Variants in CYP3A7 observed in about 807,000 individuals in gnomAD.
CYP3A7 encodes the protein cytochrome P450 family 3 subfamily A member 7.
Under a neutral mutation model 55.2 loss-of-function variants are expected in CYP3A7, and 45 were observed. That is an observed-to-expected ratio of 0.82 (90% CI 0.64 to 1.05). The LOEUF is 1.05. Ranked by LOEUF, CYP3A7 falls within the 50% of genes least tolerant of loss-of-function variation. CYP3A7 has a pLI of 0.00. For missense variants in CYP3A7, 548 were observed against 605.3 expected (o/e 0.91, Z 0.99); for synonymous variants, 180 against 207.4 (o/e 0.87, Z 1.13).
At chr7:99,729,694 C>T (rs1017808919) in intron 2 of CYP3A7, among the ~76,000 whole-genome samples, 20 of 152,290 alleles carry the variant, frequency 1.3e-4, no homozygotes, top group African/African-American at 4.8e-4. Flanking sequence ...TTCTTCTCTG[C>T]ACAATGAGTC....
chr7:99,726,309 G>A (rs1347791706), intron 2 of CYP3A7, among the ~76,000 whole-genome samples: 2 of 152,138 alleles, frequency 1.3e-5, no homozygotes, highest in Non-Finnish European at 2.9e-5. Context: ...TCACTCACCT[G>A]CTACAGCATG....
intron 11 of CYP3A7, among the ~76,000 whole-genome samples, chr7:99,708,318 T>A (rs1252660835): frequency 3.9e-5 from 6 of 152,190 alleles, no homozygotes; most frequent in Admixed American, 1.3e-4. Flanking sequence ...GAAAAGTAGA[T>A]TCCTGCCTCA....
At chr7:99,730,812 G>T in intron 2 of CYP3A7, 1 of 481,734 alleles carries the variant, frequency 2.1e-6, no homozygotes, top group Admixed American at 3.3e-5. Context: ...TGCACATCAA[G>T]TTGTGAACAT....
intron 7 of CYP3A7, 21 bp from the exon 8 acceptor site, chr7:99,714,703 C>T: frequency 6.2e-7 from 1 of 1,605,848 alleles, no homozygotes; most frequent in Non-Finnish European, 8.5e-7. Flanking sequence ...AAAAAACCAA[C>T]AGAAAACGAA....
chr7:99,706,095 G>A (rs1437136534), intron 12 of CYP3A7, among the ~76,000 whole-genome samples: 1 of 152,158 alleles, frequency 6.6e-6, no homozygotes, highest in Non-Finnish European at 1.5e-5. Context: ...GTGTAAAGAT[G>A]GGAAGACACC....
chr7:99,734,634 T>G (rs1490139772), intron 1 of CYP3A7, among the ~76,000 whole-genome samples: 1 of 151,502 alleles, frequency 6.6e-6, no homozygotes, highest in Non-Finnish European at 1.5e-5. Flanking sequence ...CTCTTTTTTT[T>G]TTTTTGAGAT....
chr7:99,717,380 GT>G (rs1394693464), intron 5 of CYP3A7, 115 bp from the exon 6 acceptor site: 2 of 1,593,758 alleles, frequency 1.3e-6, no homozygotes, highest in Non-Finnish European at 1.7e-6. Context: ...ATTTTATGAT[GT>G]GTTTTCTGTA....
At chr7:99,730,939 C>T (rs974504295) in intron 2 of CYP3A7, 120 bp downstream of exon 2, 62 of 1,338,288 alleles carry the variant, frequency 4.6e-5, no homozygotes, top group Non-Finnish European at 5.8e-5. Flanking sequence ...GATGCCTACA[C>T]GCTATTTCTG....
At chr7:99,727,819 G>T (rs375249814) in intron 2 of CYP3A7, among the ~76,000 whole-genome samples, 22 of 152,244 alleles carry the variant, frequency 1.4e-4, no homozygotes, top group African/African-American at 5.3e-4. Flanking sequence ...GACTCTAAAT[G>T]CTGTCCATAT....
In CYP3A7 at chr7:99,717,359, T is replaced by C. The variant is rs1813999080; in HGVS notation, c.433-94A>G. ...GCCTGGCATGGAACAATAAGTGACA[T>C]TGTATAATGAATTTTATGATGTGTT... On this transcript the variant is annotated intron_variant, in intron 5 of 12. Transcript: ENST00000336374. The C allele has an allele frequency of 1.9e-6, 3 of 1,606,122 alleles. No individual in the cohort carries two copies. The Middle Eastern group carries it at 5.0e-4, about 266-fold the overall frequency.
In CYP3A7 at chr7:99,731,279, CAG is replaced by C. The variant is rs1303216664; in HGVS notation, c.72-129_72-128del. On this transcript the variant is annotated intron_variant, in intron 1 of 12. Coordinates refer to ENST00000336374, the MANE Select transcript of CYP3A7 (RefSeq NM_000765.5). Reference sequence around the variant, plus strand: ...GTAACATTAAGGCAATAAAAAATAACAGTAACTCTGACGGCAATGATTATATT... The same window carrying C: ...GTAACATTAAGGCAATAAAAAATAACTAACTCTGACGGCAATGATTATATT... The C allele has an allele frequency of 2.9e-6, 3 of 1,047,516 alleles. No homozygotes were observed. In the African/African-American group the frequency reaches 4.8e-5, roughly 17 times the overall value. The allele number at this position is 1,047,516 out of a possible 1,614,324, so 64.9% of individuals were successfully genotyped here. A position where few individuals can be genotyped will look rare whatever the true frequency, so the allele number is the denominator to read the frequency against.
intron 3 of CYP3A7, among the ~76,000 whole-genome samples, chr7:99,721,999 G>T (rs371723495): frequency 1.4e-4 from 22 of 152,296 alleles, no homozygotes; most frequent in African/African-American, 5.3e-4. Flanking sequence ...ACTGATCTTT[G>T]TAGTGAAGGA....
chr7:99,732,120 T>C (rs1814650967), intron 1 of CYP3A7, among the ~76,000 whole-genome samples: 1 of 152,090 alleles, frequency 6.6e-6, no homozygotes, highest in Non-Finnish European at 1.5e-5. Flanking sequence ...AGGCAGTTTC[T>C]CATGGTTTCA....
chr7:99,715,831 T>A lies in CYP3A7; in HGVS notation c.597A>T (p.Pro199=). The change falls in exon 7 of 13, where the codon CCA becomes CCT. Residue 199 remains proline (P), a synonymous_variant. Coordinates refer to ENST00000336374, the MANE Select transcript of CYP3A7 (RefSeq NM_000765.5). ...FGVSIDSLNN[P]QDPFVENTKK... ...TGGTGTTTTCCACAAAGGGGTCTTG[T>A]GGATTGTTGAGAGAGTCGATGCTCA... The A allele has an allele frequency of 6.2e-7, 1 of 1,613,948 alleles. No homozygotes were observed. Among genetic ancestry groups the A allele is most frequent in the Non-Finnish European group, 8.5e-7 (1 of 1,179,852 alleles).
intron 3 of CYP3A7, among the ~76,000 whole-genome samples, chr7:99,721,506 AG>A (rs1814196399): frequency 6.6e-6 from 1 of 152,186 alleles, no homozygotes; most frequent in African/African-American, 2.4e-5. Context: ...ATGTGATAAA[AG>A]GGCATCAAGG....
intron 2 of CYP3A7, among the ~76,000 whole-genome samples, chr7:99,729,537 G>A (rs1184288930): frequency 6.6e-6 from 1 of 152,150 alleles, no homozygotes; most frequent in East Asian, 1.9e-4. Context: ...GCCTGCACGT[G>A]TACATCCAGA....
chr7:99,712,532 T>C (rs1248302165), intron 9 of CYP3A7, among the ~76,000 whole-genome samples: 3 of 152,228 alleles, frequency 2.0e-5, no homozygotes, highest in Non-Finnish European at 4.4e-5. Context: ...TAGTGATTTC[T>C]AGATGAAACA....
chr7:99,717,654 A>C lies in CYP3A7; in HGVS notation c.319-15T>G, dbSNP rs1814016271. ...GGCCCGAAAGGCTAGAGTTCAAAGC[A>C]GAAAGATTTTGTCCTACATCAGTTG... On this transcript the variant is annotated splice_polypyrimidine_tract_variant and intron_variant, in intron 4 of 12. Coordinates refer to ENST00000336374, the MANE Select transcript of CYP3A7 (RefSeq NM_000765.5). 1 of 1,612,958 alleles carries C rather than the reference A, an allele frequency of 6.2e-7. No individual in the cohort carries two copies. Among genetic ancestry groups the C allele is most frequent in the Non-Finnish European group, 8.5e-7 (1 of 1,179,434 alleles).
At chr7:99,730,838 A>G (rs958115017) in intron 2 of CYP3A7, 4 of 533,424 alleles carry the variant, frequency 7.5e-6, no homozygotes, top group African/African-American at 1.9e-5. Flanking sequence ...TGCTGGATCT[A>G]CTTGACATTT....
Sources: allele counts gnomAD v4.1 joint callset (sites outside exome capture counted in the v4.1 genomes callset), GRCh38; gene constraint gnomAD v4.1.1; transcripts MANE v1.5; gene names NCBI Gene and HGNC (gene_info 2026-07-23, HGNC 2026-07-21).